Variants in TNIP1 observed in about 807,000 individuals in gnomAD.
The protein encoded by TNIP1 is TNFAIP3-interacting protein 1.
Under a neutral mutation model 86.6 loss-of-function variants are expected in TNIP1, and 22 were observed. The ratio of observed to expected loss-of-function variants is 0.25; its 90% CI spans 0.18 to 0.36. The LOEUF is 0.36. TNIP1 is among the 10% of genes least tolerant of loss of function. The probability of loss-of-function intolerance (pLI) is 1.00; values close to 1 mark genes in which losing one functional copy is unlikely to be tolerated. For missense variants in TNIP1, 709 were observed against 820.6 expected, an observed-to-expected ratio of 0.86 and a Z score of 1.66; for synonymous variants, 294 against 313.0, an observed-to-expected ratio of 0.94 and a Z score of 0.64.
At chr5:151,036,472 G>A (rs1757717293) in intron 13 of TNIP1, among the ~76,000 whole-genome samples, 1 of 152,122 alleles carries the variant, frequency 6.6e-6, no homozygotes, top group African/African-American at 2.4e-5. Context: ...AATAATAAAT[G>A]GTTTTTTCCA....
chr5:151,058,156 G>C (rs1215448545), intron 5 of TNIP1, among the ~76,000 whole-genome samples: 1 of 152,172 alleles, frequency 6.6e-6, no homozygotes, highest in African/African-American at 2.4e-5. Flanking sequence ...CCTGACCTCA[G>C]GTGATCCACC....
intron 1 of TNIP1, among the ~76,000 whole-genome samples, chr5:151,076,509 T>C (rs1763412143): frequency 6.6e-6 from 1 of 152,162 alleles, no homozygotes; most frequent in Non-Finnish European, 1.5e-5. Context: ...TGAAACATTT[T>C]CATTCTAAAG....
chr5:151,042,735 A>T (rs1174147901), intron 10 of TNIP1, 64 bp from the exon 11 acceptor site: 1 of 1,606,036 alleles, frequency 6.2e-7, no homozygotes, highest in East Asian at 2.2e-5. Context: ...GGATGTGGGC[A>T]GGGCCTGGCT....
chr5:151,056,323 C>T (rs1760649512), intron 6 of TNIP1, among the ~76,000 whole-genome samples: 3 of 152,050 alleles, frequency 2.0e-5, no homozygotes, highest in East Asian at 3.8e-4. Flanking sequence ...TGCGAGAGAT[C>T]GAGGTTCCAA....
upstream of TNIP1, among the ~76,000 whole-genome samples, chr5:151,081,986 T>C (rs1001164076): frequency 6.6e-6 from 1 of 152,366 alleles, no homozygotes; most frequent in Admixed American, 6.5e-5. Flanking sequence ...TTAAACTAAA[T>C]ATAGCTTTAT....
At position 151,060,323 on chromosome 5, in the gene TNIP1, C is replaced by G. The variant is rs371462860; in HGVS notation, c.430G>C (p.Ala144Pro). The G allele has an allele frequency of 8.1e-6, 13 of 1,614,016 alleles. No individual in the cohort carries two copies. Among genetic ancestry groups the G allele is most frequent in the East Asian group, 6.7e-5 (3 of 44,894 alleles). The part of the protein sequence containing the change: ...NSPESSSHAN[A>P]MALGPLPRED... The stretch of plus-strand genomic sequence containing the variant: ...GGTCCTGCCCGTCCACTCACCATCG[C>G]ATTGGCATGGCTGCTGCTCTCTGGT... Residue 144 changes from alanine (A) to proline (P), a missense_variant, in exon 5 of 18, where the codon GCG becomes CCG. Coordinates refer to ENST00000521591, the MANE Select transcript of TNIP1 (RefSeq NM_006058.5).
chr5:151,030,340 G>A lies in TNIP1; in HGVS notation c.*373C>T, dbSNP rs554547771. On this transcript the variant is annotated 3_prime_UTR_variant, in exon 18 of 18. Coordinates refer to ENST00000521591, the MANE Select transcript of TNIP1 (RefSeq NM_006058.5). ...ACAAATTGGTCATGGCAACTAGAGG[G>A]CCTGAAACCACTTCCGGGAGGTTTT... 1 of 420,662 alleles carries A rather than the reference G, an allele frequency of 2.4e-6. No homozygotes were observed. Among genetic ancestry groups the A allele is most frequent in the Non-Finnish European group, 4.5e-6 (1 of 220,662 alleles). 26.1% of individuals were successfully genotyped at this position (420,662 alleles called of 1,614,324 possible).
chr5:151,076,111 A>G (rs3792784), intron 1 of TNIP1, among the ~76,000 whole-genome samples: 20,578 of 152,202 alleles, frequency 0.14, 1,543 homozygotes, highest in African/African-American at 0.21. Context: ...CCAGTCATCC[A>G]TTCCAATCTG....
intron 1 of TNIP1, among the ~76,000 whole-genome samples, chr5:151,075,299 G>C (rs1365187472): frequency 3.3e-5 from 5 of 152,178 alleles, no homozygotes; most frequent in Admixed American, 3.3e-4. Flanking sequence ...CTCGGTATCT[G>C]AGAGACTCCT....
intron 3 of TNIP1, 79 bp from the exon 4 acceptor site, chr5:151,062,291 G>A (rs1761676859): frequency 2.3e-6 from 3 of 1,319,696 alleles, no homozygotes; most frequent in African/African-American, 2.9e-5. Flanking sequence ...GACAGCCCTT[G>A]ACAAAAGGGT....
rs1032193947 is a variant in TNIP1 at position 151,080,913 on chromosome 5, G to C, written c.-70C>G. The stretch of plus-strand genomic sequence containing the variant: ...GGGGAGCTTGGGGACACAGCGCCCC[G>C]CTTGCTGCGTCCAGCCCCGAATCCA... On this transcript the variant is annotated 5_prime_UTR_variant, in exon 1 of 18. Coordinates refer to ENST00000521591, the MANE Select transcript of TNIP1 (RefSeq NM_006058.5). 2.6e-5 allele frequency: 4 copies of C among 152,166 alleles called. No individual in the cohort carries two copies. Among genetic ancestry groups the C allele is most frequent in the African/African-American group, 9.7e-5 (4 of 41,388 alleles). The allele number at this position is 152,166 out of a possible 1,614,324, so 9.4% of individuals were successfully genotyped here. A position where few individuals can be genotyped will look rare whatever the true frequency, so the allele number is the denominator to read the frequency against.
chr5:151,063,875 C>T (rs1157847942), intron 2 of TNIP1, 128 bp from the exon 3 acceptor site: 2 of 1,229,494 alleles, frequency 1.6e-6, no homozygotes, highest in Non-Finnish European at 2.2e-6. Context: ...TTCACTCCCA[C>T]CGTTGCTCTG....
chr5:151,059,828 A>AGTGTGT lies in TNIP1; in HGVS notation c.435+484_435+489dup, dbSNP rs760868810. Among the ~76,000 whole-genome samples, 266 of 56,282 alleles carry AGTGTGT rather than the reference A, an allele frequency of 4.7e-3. 2 individuals carry two copies. The highest frequency in any genetic ancestry group is 0.03 in the East Asian group (42 of 1,410). The allele number at this position is 56,282 out of a possible 152,430, so 36.9% of individuals were successfully genotyped here. The stretch of plus-strand genomic sequence containing the variant: ...GAGAGAGAGAGAGAGAGAGAGAGAG[A>AGTGTGT]GTGTGTGTGTGTGTGTGTGTGTGTG... On this transcript the variant is annotated intron_variant, in intron 5 of 17. Transcript: ENST00000521591.
chr5:151,051,400 T>G (rs1045190970), intron 7 of TNIP1, among the ~76,000 whole-genome samples: 1 of 152,144 alleles, frequency 6.6e-6, no homozygotes, highest in East Asian at 1.9e-4. Context: ...TCACCCAAAC[T>G]GTCCAGGACC....
At chr5:151,067,040 C>A (rs1762316857) in intron 1 of TNIP1, among the ~76,000 whole-genome samples, 1 of 152,164 alleles carries the variant, frequency 6.6e-6, no homozygotes, top group Non-Finnish European at 1.5e-5. Flanking sequence ...CTGACAGATA[C>A]AAGATGAATA....
At chr5:151,053,769 A>G (rs1051105567) in intron 6 of TNIP1, among the ~76,000 whole-genome samples, 3 of 152,158 alleles carry the variant, frequency 2.0e-5, no homozygotes, top group African/African-American at 4.8e-5. Context: ...ACTCATCTCT[A>G]TGTTAAAGGT....
Position 151,041,269 on chromosome 5 carries a change from C to A in TNIP1, c.1134+1271G>T, listed in dbSNP as rs145494700. 6.6e-5 allele frequency among the ~76,000 whole-genome samples: 10 copies of A among 152,266 alleles called. No individual in the cohort carries two copies. The East Asian group carries it at 1.9e-3, about 29-fold the overall frequency. On this transcript the variant is annotated intron_variant, in intron 11 of 17. Coordinates refer to ENST00000521591, the MANE Select transcript of TNIP1 (RefSeq NM_006058.5). ...TATTTTTATTAGAGACGGGGTTTCA[C>A]CATGTTGGCCAGGCTGGTCTCAAGC... is the stretch of plus-strand genomic sequence containing the variant.
At chr5:151,036,661 G>T (rs1757742886) in intron 13 of TNIP1, 129 bp downstream of exon 13, 3 of 1,366,450 alleles carry the variant, frequency 2.2e-6, no homozygotes, top group Non-Finnish European at 3.0e-6. Context: ...CCAGTGGGGG[G>T]CCCTGGCCAA....
chr5:151,084,456 A>AG (rs1554082310), upstream of TNIP1, among the ~76,000 whole-genome samples: 8 of 147,180 alleles, frequency 5.4e-5, no homozygotes, highest in South Asian at 2.2e-4. Flanking sequence ...AAAAAAAAAA[A>AG]AAAGAAAGAA....
Sources: allele counts gnomAD v4.1 joint callset (sites outside exome capture counted in the v4.1 genomes callset), GRCh38; gene constraint gnomAD v4.1.1; transcripts MANE v1.5; gene names NCBI Gene and HGNC (gene_info 2026-07-23, HGNC 2026-07-21).